RB1: variants seen among roughly 807,000 people sequenced by gnomAD.
RB1 encodes retinoblastoma-associated protein.
Under a neutral mutation model 135.4 loss-of-function variants are expected in RB1, and 18 were observed. The ratio of observed to expected loss-of-function variants is 0.13; its 90% CI spans 0.09 to 0.20. RB1 has a LOEUF of 0.20. Ranked by LOEUF, RB1 falls within the 10% of genes least tolerant of loss-of-function variation. The pLI is 1.00. For missense variants in RB1, 868 were observed against 1,110.0 expected, an observed-to-expected ratio of 0.78 and a Z score of 3.10; for synonymous variants, 365 against 373.2, an observed-to-expected ratio of 0.98 and a Z score of 0.25.
chr13:48,449,101 T>G (rs1949309474), intron 17 of RB1, among the ~76,000 whole-genome samples: 1 of 152,086 alleles, frequency 6.6e-6, no homozygotes, highest in South Asian at 2.1e-4. Context: ...AACTGTTGCG[T>G]AATCGCCGTT....
intron 19 of RB1, among the ~76,000 whole-genome samples, chr13:48,457,431 G>C (rs1949367834): frequency 1.3e-5 from 2 of 152,152 alleles, no homozygotes; most frequent in South Asian, 4.1e-4. Context: ...GGGCCTCAGC[G>C]GGAAGAAAGT....
At chr13:48,412,415 G>C in intron 17 of RB1, 1 of 1,612,778 alleles carries the variant, frequency 6.2e-7, no homozygotes, top group Middle Eastern at 1.7e-4. Flanking sequence ...AGCTGTTAAC[G>C]CTTACCATCG....
chr13:48,342,546 TC>T, intron 2 of RB1, 52 bp from the exon 3 acceptor site: 1 of 1,063,968 alleles, frequency 9.4e-7, no homozygotes, highest in Non-Finnish European at 1.5e-6. Flanking sequence ...TAACATAGTA[TC>T]CAGTGTGTGA....
chr13:48,414,342 CAA>C (rs199626771), intron 17 of RB1, among the ~76,000 whole-genome samples: 1,319 of 93,056 alleles, frequency 0.014, 15 homozygotes, highest in African/African-American at 0.045. Context: ...GAGACTATCT[CAA>C]AAAAAAAAAA....
In RB1 at chr13:48,480,135, CTG is replaced by C. The variant is rs1409795356; in HGVS notation, c.*66_*67del. 2.1e-5 allele frequency: 29 copies of C among 1,375,804 alleles called. No individual in the cohort carries two copies. Among genetic ancestry groups the C allele is most frequent in the Non-Finnish European group, 3.0e-5 (29 of 969,344 alleles). The allele number at this position is 1,375,804 out of a possible 1,614,324, so 85.2% of individuals were successfully genotyped here. A position where few individuals can be genotyped will look rare whatever the true frequency, so the allele number is the denominator to read the frequency against. On this transcript the variant is annotated 3_prime_UTR_variant, in exon 27 of 27. Transcript: ENST00000267163. ...GATTCATTGTCTCTCACAGATGTGA[CTG>C]TATAACTTTCCCAGGTTCTGTTTAT...
Position 48,481,102 on chromosome 13 carries a change from G to A in RB1, c.*1031G>A, listed in dbSNP as rs1281154031. 4.3e-6 allele frequency: 1 copy of A among 230,146 alleles called. No individual in the cohort carries two copies. Among genetic ancestry groups the A allele is most frequent in the African/African-American group, 2.2e-5 (1 of 45,080 alleles). The allele number at this position is 230,146 out of a possible 1,614,324, so 14.3% of individuals were successfully genotyped here. A position where few individuals can be genotyped will look rare whatever the true frequency, so the allele number is the denominator to read the frequency against. Reference sequence around the variant, plus strand: ...AAATTATTCTGCCCTCCTTAATTTGGGAAGGTTTGTGTTTTCTCTGGAATG... The same window carrying A: ...AAATTATTCTGCCCTCCTTAATTTGAGAAGGTTTGTGTTTTCTCTGGAATG... On this transcript the variant is annotated 3_prime_UTR_variant, in exon 27 of 27. Transcript: ENST00000267163.
intron 26 of RB1, 100 bp downstream of exon 26, chr13:48,477,504 C>A (rs917219273): frequency 9.9e-7 from 1 of 1,009,104 alleles, no homozygotes; most frequent in Non-Finnish European, 1.5e-6. Context: ...CTTCAGTTGG[C>A]AGGTTTGTTT....
intron 1 of RB1, among the ~76,000 whole-genome samples, chr13:48,305,801 C>T (rs539889106): frequency 6.6e-6 from 1 of 152,310 alleles, no homozygotes; most frequent in South Asian, 2.1e-4. Flanking sequence ...AGCATCTTGC[C>T]TGGAGATGGA....
intron 6 of RB1, among the ~76,000 whole-genome samples, chr13:48,353,594 A>G (rs1194522016): frequency 1.3e-5 from 2 of 152,136 alleles, no homozygotes; most frequent in Non-Finnish European, 2.9e-5. Context: ...CTCATTCTAC[A>G]AGGCCTGTAT....
chr13:48,419,588 G>T (rs1460350505), intron 17 of RB1, among the ~76,000 whole-genome samples: 5 of 152,130 alleles, frequency 3.3e-5, no homozygotes. Context: ...AAAAATCAAT[G>T]AATCCAGGAG....
Position 48,345,278 on chromosome 13 carries a change from C to CTA in RB1, c.500+79_500+80insTA. The CTA allele has an allele frequency of 4.1e-6, 6 of 1,476,420 alleles. No homozygotes were observed. The South Asian group carries it at 5.7e-5, about 14-fold the overall frequency. 91.5% of individuals were successfully genotyped at this position (1,476,420 alleles called of 1,614,324 possible). ...CAATTAGATTCTGGGAATTATTTAA[C>CTA]ACATTTAGTAAAGTTAGTAAGTATT... On this transcript the variant is annotated intron_variant, in intron 4 of 26. Transcript: ENST00000267163.
chr13:48,394,264 G>A (rs1948631333), intron 17 of RB1, among the ~76,000 whole-genome samples: 2 of 152,202 alleles, frequency 1.3e-5, no homozygotes, highest in Admixed American at 1.3e-4. Context: ...CCACAGACCA[G>A]GAGATTCCCT....
At chr13:48,317,864 G>T in intron 2 of RB1, 1 of 394,114 alleles carries the variant, frequency 2.5e-6, no homozygotes, top group Non-Finnish European at 4.8e-6. Flanking sequence ...TTCCTGCACA[G>T]CAACTCTGGC....
chr13:48,467,354 A>G (rs201559729), intron 23 of RB1, among the ~76,000 whole-genome samples: 258 of 101,522 alleles, frequency 2.5e-3, no homozygotes, highest in Admixed American at 4.0e-3. Flanking sequence ...AGACAAGCAA[A>G]TGCTGAGAGA....
intron 6 of RB1, among the ~76,000 whole-genome samples, chr13:48,358,179 A>T (rs1414916217): frequency 6.6e-6 from 1 of 152,084 alleles, no homozygotes; most frequent in Non-Finnish European, 1.5e-5. Flanking sequence ...TAGTGCAAGC[A>T]CTCATAGGGC....
intron 17 of RB1, among the ~76,000 whole-genome samples, chr13:48,383,904 G>A (rs1296725689): frequency 6.6e-6 from 1 of 151,974 alleles, no homozygotes; most frequent in African/African-American, 2.4e-5. Context: ...ATTTCTTTTA[G>A]AGAATTAATT....
intron 17 of RB1, among the ~76,000 whole-genome samples, chr13:48,381,758 C>T (rs1430496961): frequency 6.6e-6 from 1 of 152,112 alleles, no homozygotes; most frequent in Non-Finnish European, 1.5e-5. Context: ...AGGTTTGTTA[C>T]ATATGTATAC....
intron 17 of RB1, among the ~76,000 whole-genome samples, chr13:48,390,989 C>A (rs929895144): frequency 1.3e-5 from 2 of 152,014 alleles, no homozygotes; most frequent in Non-Finnish European, 2.9e-5. Flanking sequence ...GGTTTAAATT[C>A]TCCATCTTAT....
intron 2 of RB1, among the ~76,000 whole-genome samples, chr13:48,316,323 CGGACACTTTG>C (rs150819557): frequency 0.035 from 5,262 of 152,184 alleles, 141 homozygotes; most frequent in South Asian, 0.1. Context: ...AGCTTCCCGA[CGGACACTTTG>C]GGGCATCTGA....
Sources: allele counts gnomAD v4.1 joint callset (sites outside exome capture counted in the v4.1 genomes callset), GRCh38; gene constraint gnomAD v4.1.1; transcripts MANE v1.5; gene names NCBI Gene and HGNC (gene_info 2026-07-23, HGNC 2026-07-21).